The following WIPI2 variants were observed in gnomAD, a reference collection of about 807,000 sequenced individuals.
WIPI2 encodes WD repeat domain, phosphoinositide interacting 2.
Under a neutral mutation model 52.3 loss-of-function variants are expected in WIPI2, and 28 were observed. That is an observed-to-expected ratio of 0.54 (90% CI 0.40 to 0.73). WIPI2 has a LOEUF of 0.73. WIPI2 is among the 30% of genes least tolerant of loss of function. The probability of loss-of-function intolerance (pLI) is 0.00; values close to 1 mark genes in which losing one functional copy is unlikely to be tolerated. For missense variants in WIPI2, 506 were observed against 602.9 expected (o/e 0.84, Z 1.68); for synonymous variants, 268 against 245.0 (o/e 1.09, Z -0.88).
Position 5,216,594 on chromosome 7 carries a change from A to C in WIPI2, c.413A>C (p.Tyr138Ser). Residue 138 changes from tyrosine to serine, a missense_variant, in exon 5 of 13, where the codon TAC becomes TCC. By Grantham distance (144) the Tyr-to-Ser change is moderately radical (BLOSUM62 -2). Around this residue, in one of 4 missense-constraint regions of WIPI2, gnomAD observed 237 missense variants for 346.9 expected, o/e 0.68. Coordinates refer to ENST00000288828, the MANE Select transcript of WIPI2 (RefSeq NM_015610.4). ...RLIVCLEESL[Y>S]IHNIRDMKVL... ...ATAGTATGCCTGGAGGAGTCCCTGT[A>C]CATCCACAACATTCGGGACATGAAG... The C allele has an allele frequency of 1.2e-5, 20 of 1,614,222 alleles. No homozygotes were observed. The highest frequency in any genetic ancestry group is 1.7e-5 in the Non-Finnish European group (20 of 1,180,040).
At chr7:5,217,519 A>C in intron 6 of WIPI2, 1 of 388,032 alleles carries the variant, frequency 2.6e-6, no homozygotes, top group Admixed American at 3.9e-5. Flanking sequence ...CTGGCCTCAA[A>C]CTCCTGGCCT....
intron 3 of WIPI2, among the ~76,000 whole-genome samples, chr7:5,201,496 C>T (rs1782024012): frequency 1.3e-5 from 2 of 152,212 alleles, no homozygotes; most frequent in Admixed American, 1.3e-4. Context: ...GTAATCCCAG[C>T]ACTTTGTAAG....
chr7:5,216,181 T>C (rs1477482056), intron 4 of WIPI2: 2 of 179,648 alleles, frequency 1.1e-5, no homozygotes, highest in African/African-American at 2.3e-5. Context: ...TAGAAGGAAC[T>C]AAGATTGTGA....
At chr7:5,224,983 C>G (rs117458974) in intron 8 of WIPI2, among the ~76,000 whole-genome samples, 1 of 152,180 alleles carries the variant, frequency 6.6e-6, no homozygotes, top group Non-Finnish European at 1.5e-5. Flanking sequence ...TCAACACTGA[C>G]TCCAGGAAAA....
At chr7:5,209,216 C>A (rs1289678657) in intron 3 of WIPI2, among the ~76,000 whole-genome samples, 2 of 152,098 alleles carry the variant, frequency 1.3e-5, no homozygotes, top group Non-Finnish European at 2.9e-5. Context: ...TAAATAGTTG[C>A]TCCATAGATT....
chr7:5,190,507 C>A lies in WIPI2; in HGVS notation c.74+14C>A. On this transcript the variant is annotated intron_variant, in intron 1 of 12. Coordinates refer to ENST00000288828, the MANE Select transcript of WIPI2 (RefSeq NM_015610.4). ...CCAGGACAACACGTAAGGCCGGGGT[C>A]GGGGGTCGGAGTCGGGGTGAGGCCA... The A allele has an allele frequency of 6.7e-7, 1 of 1,490,096 alleles. No homozygotes were observed. The highest frequency in any genetic ancestry group is 9.0e-7 in the Non-Finnish European group (1 of 1,116,642). The allele number at this position is 1,490,096 out of a possible 1,614,324, so 92.3% of individuals were successfully genotyped here.
At position 5,227,599 on chromosome 7, in the gene WIPI2, C is replaced by G. The variant is rs1329555144; in HGVS notation, c.1013+255C>G. Among the ~76,000 whole-genome samples the G allele has an allele frequency of 1.3e-5, 2 of 152,182 alleles. No homozygotes were observed. The highest frequency in any genetic ancestry group is 4.8e-5 in the African/African-American group (2 of 41,436). ...GCGGTATTAATGAAAGACGTTAAGT[C>G]AAACCTCGTGAGTGTGCCGTAGTTA... On this transcript the variant is annotated intron_variant, in intron 10 of 12. Transcript: ENST00000288828. This position sits in a 1 kb window ranked among gnomAD's most constrained non-coding sequence, Gnocchi z 8.1.
chr7:5,228,528 C>T (rs576815129), intron 11 of WIPI2, among the ~76,000 whole-genome samples: 21 of 152,320 alleles, frequency 1.4e-4, no homozygotes, highest in Middle Eastern at 3.4e-3. Context: ...GGCCTTCCTC[C>T]CCAGGGTGGA....
intron 1 of WIPI2, 99 bp downstream of exon 1, chr7:5,190,592 G>C: frequency 8.2e-7 from 1 of 1,215,726 alleles, no homozygotes; most frequent in Non-Finnish European, 1.1e-6. Context: ...TCGCAGGCTC[G>C]GCCTCCCCGC....
intron 3 of WIPI2, among the ~76,000 whole-genome samples, chr7:5,208,733 C>G (rs1466589783): frequency 3.3e-5 from 5 of 152,140 alleles, no homozygotes; most frequent in African/African-American, 1.2e-4. Flanking sequence ...ACCTGTGAGT[C>G]TGTTTCTGGA....
At chr7:5,196,442 C>G (rs1781746724) in intron 2 of WIPI2, among the ~76,000 whole-genome samples, 1 of 152,086 alleles carries the variant, frequency 6.6e-6, no homozygotes, top group Non-Finnish European at 1.5e-5. Flanking sequence ...TTTTGTTTCC[C>G]TTTCTTAACG....
intron 11 of WIPI2, 136 bp downstream of exon 11, chr7:5,228,347 C>T (rs543033216): frequency 3.7e-6 from 3 of 821,006 alleles, no homozygotes; most frequent in African/African-American, 1.8e-5. Context: ...GCCCATGCCG[C>T]GCAGGTCGGG....
rs114228516 is a variant in WIPI2 at position 5,203,442 on chromosome 7, C to T, written c.211+3784C>T. On this transcript the variant is annotated intron_variant, in intron 3 of 12. Coordinates refer to ENST00000288828, the MANE Select transcript of WIPI2 (RefSeq NM_015610.4). ...CTTCATCGTTGCCAACTATAAACCA[C>T]GCCAGCAGAAGCAAAAAGCAACATT... Among the ~76,000 whole-genome samples the T allele has an allele frequency of 2.1e-3, 318 of 152,162 alleles. 2 individuals carry two copies. Among genetic ancestry groups the T allele is most frequent in the African/African-American group, 7.2e-3 (297 of 41,506 alleles).
intron 3 of WIPI2, among the ~76,000 whole-genome samples, chr7:5,212,194 G>C (rs1334116878): frequency 6.6e-6 from 1 of 152,140 alleles, no homozygotes; most frequent in Non-Finnish European, 1.5e-5. Flanking sequence ...CATTAGACCT[G>C]GGGGTGGTGC....
chr7:5,228,863 G>A (rs990661417), intron 11 of WIPI2, among the ~76,000 whole-genome samples: 3 of 152,052 alleles, frequency 2.0e-5, no homozygotes, highest in Admixed American at 6.6e-5. Context: ...CTAGTAGCTG[G>A]GACTACAGGC....
At chr7:5,212,055 G>C (rs62441953) in intron 3 of WIPI2, among the ~76,000 whole-genome samples, 1 of 152,034 alleles carries the variant, frequency 6.6e-6, no homozygotes, top group Non-Finnish European at 1.5e-5. Flanking sequence ...TTTTGTTGCT[G>C]TTGTTGTTGT....
chr7:5,198,104 T>G (rs370443908), intron 2 of WIPI2, among the ~76,000 whole-genome samples: 4 of 152,230 alleles, frequency 2.6e-5, no homozygotes, highest in Admixed American at 2.0e-4. Context: ...AAACCAATCC[T>G]CTGCTTTTTC....
rs767628611 is a variant in WIPI2, at chr7:5,191,651, C to T, written c.74+1158C>T. 2.6e-5 allele frequency among the ~76,000 whole-genome samples: 4 copies of T among 152,036 alleles called. No homozygotes were observed. In the East Asian group the frequency reaches 5.8e-4, roughly 22 times the overall value. On this transcript the variant is annotated intron_variant, in intron 1 of 12. Coordinates refer to ENST00000288828, the MANE Select transcript of WIPI2 (RefSeq NM_015610.4). ...TTATGGGGTTGGCAGGGAGGAGAGC[C>T]ATCTTGGAAGTGAGTAAGAGGAAGT...
intron 3 of WIPI2, among the ~76,000 whole-genome samples, chr7:5,208,308 G>A (rs940214232): frequency 6.6e-6 from 1 of 151,912 alleles, no homozygotes; most frequent in African/African-American, 2.4e-5. Flanking sequence ...TAGATATTCT[G>A]GATACCAGTC....
Sources: allele counts gnomAD v4.1 joint callset (sites outside exome capture counted in the v4.1 genomes callset), GRCh38; gene constraint gnomAD v4.1.1; regional missense constraint gnomAD v4.1.1; non-coding constraint Gnocchi (gnomAD v3.1); transcripts MANE v1.5; gene names NCBI Gene and HGNC (gene_info 2026-07-23, HGNC 2026-07-21).